The following ENPP1 variants were observed in gnomAD, a reference collection of about 807,000 sequenced individuals.
The protein encoded by ENPP1 is ectonucleotide pyrophosphatase/phosphodiesterase 1.
A neutral mutation model predicts 122.8 loss-of-function variants in ENPP1; 73 were observed. That is an observed-to-expected ratio of 0.59 (90% CI 0.49 to 0.72). ENPP1 has a LOEUF of 0.72. Ranked by LOEUF, ENPP1 falls within the 30% of genes least tolerant of loss-of-function variation. The pLI, the probability that ENPP1 is intolerant of heterozygous loss-of-function variation, is 0.00. For synonymous variants in ENPP1, 367 were observed against 391.6 expected, an observed-to-expected ratio of 0.94 and a Z score of 0.74; for missense variants, 978 against 1,128.1, an observed-to-expected ratio of 0.87 and a Z score of 1.91.
At chr6:131,870,561 G>T (rs975181477) in intron 13 of ENPP1, among the ~76,000 whole-genome samples, 6 of 152,080 alleles carry the variant, frequency 3.9e-5, no homozygotes, top group Non-Finnish European at 8.8e-5. Flanking sequence ...GACAATTACC[G>T]GAATTGGGTT....
chr6:131,874,736 A>C (rs867023622), intron 16 of ENPP1, among the ~76,000 whole-genome samples: 23 of 152,192 alleles, frequency 1.5e-4, no homozygotes, highest in Middle Eastern at 3.4e-3. Context: ...AGACACCTGC[A>C]CTCGTATGTT....
At chr6:131,821,145 A>G (rs184864459) in intron 1 of ENPP1, among the ~76,000 whole-genome samples, 1 of 152,328 alleles carries the variant, frequency 6.6e-6, no homozygotes, top group Admixed American at 6.5e-5. Flanking sequence ...TAAGAAATGC[A>G]GAATCTTGGG....
At chr6:131,886,981 C>CTTGA (rs914947091) in intron 24 of ENPP1, among the ~76,000 whole-genome samples, 1 of 120,522 alleles carries the variant, frequency 8.3e-6, no homozygotes, top group African/African-American at 3.1e-5. Context: ...CCAGGCTGGT[C>CTTGA]TTGAACTCCT....
intron 20 of ENPP1, among the ~76,000 whole-genome samples, chr6:131,880,708 G>T (rs1299647504): frequency 6.6e-6 from 1 of 152,126 alleles, no homozygotes; most frequent in Non-Finnish European, 1.5e-5. Context: ...ATACATGGCT[G>T]TGTGAGGACA....
intron 11 of ENPP1, 52 bp downstream of exon 11, chr6:131,864,990 A>T: frequency 8.6e-7 from 1 of 1,161,418 alleles, no homozygotes; most frequent in Non-Finnish European, 1.3e-6. Context: ...CATCAAACTG[A>T]ACCTCGCTTT....
chr6:131,824,321 A>G (rs1329204693), intron 1 of ENPP1, among the ~76,000 whole-genome samples: 2 of 152,062 alleles, frequency 1.3e-5, no homozygotes, highest in Non-Finnish European at 2.9e-5. Flanking sequence ...AGGCCCTGGG[A>G]GAGGAGACAA....
intron 1 of ENPP1, among the ~76,000 whole-genome samples, chr6:131,834,494 G>GA (rs541755035): frequency 9.1e-4 from 137 of 151,016 alleles, no homozygotes; most frequent in East Asian, 3.5e-3. Context: ...GTTCAACCAA[G>GA]AATCTTATGC....
At position 131,882,442 on chromosome 6, in the gene ENPP1, C is replaced by A; in HGVS notation, c.2198C>A (p.Thr733Asn). Reference sequence around the variant, plus strand: ...AAATGTTCATTTTATAAAAATAACACCAAAGTGAGTTACGGGTTCCTCTCC... The same window carrying A: ...AAATGTTCATTTTATAAAAATAACAACAAAGTGAGTTACGGGTTCCTCTCC... ...VHKCSFYKNN[T>N]KVSYGFLSPP... The change falls in exon 21 of 25, where the codon ACC becomes AAC. Residue 733 changes from threonine to asparagine, a missense_variant. This residue lies in a region of ENPP1 where 644 missense variants were observed against 781.5 expected (regional missense o/e 0.82). Coordinates refer to ENST00000647893, the MANE Select transcript of ENPP1 (RefSeq NM_006208.3). The A allele has an allele frequency of 6.2e-7, 1 of 1,609,536 alleles. No homozygotes were observed. The highest frequency in any genetic ancestry group is 1.1e-5 in the South Asian group (1 of 91,036).
At chr6:131,884,758 T>C (rs538385252) in intron 22 of ENPP1, among the ~76,000 whole-genome samples, 173 bp from the exon 23 acceptor site, 1 of 152,270 alleles carries the variant, frequency 6.6e-6, no homozygotes, top group Admixed American at 6.5e-5. Flanking sequence ...CTGGGTGATA[T>C]AGCACGACTC....
At position 131,815,910 on chromosome 6, in the gene ENPP1, A is replaced by G. The variant is rs1360284364; in HGVS notation, c.240+7635A>G. Among the ~76,000 whole-genome samples, 336 of 139,458 alleles carry G rather than the reference A, an allele frequency of 2.4e-3. 2 individuals carry two copies. The highest frequency in any genetic ancestry group is 3.4e-3 in the Non-Finnish European group (224 of 65,442). 91.5% of individuals were successfully genotyped at this position (139,458 alleles called of 152,430 possible). A position where few individuals can be genotyped will look rare whatever the true frequency, so the allele number is the denominator to read the frequency against. The stretch of plus-strand genomic sequence containing the variant: ...TTTTTTTTGTATTTTTAGTAGAGAC[A>G]GGGTTTTGCCATGTTGGCCAGGCTG... On this transcript the variant is annotated intron_variant, in intron 1 of 24. Transcript: ENST00000647893.
chr6:131,851,490 G>T (rs1295833201), intron 4 of ENPP1: 1 of 542,312 alleles, frequency 1.8e-6, no homozygotes, highest in Non-Finnish European at 3.3e-6. Flanking sequence ...TCATAATTAT[G>T]ATTATGTGCA....
At position 131,852,219 on chromosome 6, in the gene ENPP1, C is replaced by T. The variant is rs752171315; in HGVS notation, c.601C>T (p.Pro201Ser). The T allele has an allele frequency of 8.7e-6, 14 of 1,603,476 alleles. No homozygotes were observed. The East Asian group carries it at 3.1e-4, about 36-fold the overall frequency. ...VEEPCESINE[P>S]QCPAGFETPP... Reference sequence around the variant, plus strand: ...AGAACCATGTGAGAGCATTAATGAGCCACAGTGCCCAGCAGGGTAAGATTA... The same window carrying T: ...AGAACCATGTGAGAGCATTAATGAGTCACAGTGCCCAGCAGGGTAAGATTA... Residue 201 changes from proline (P) to serine (S), a missense_variant, in exon 5 of 25, where the codon CCA becomes TCA. By Grantham distance (74) the Pro-to-Ser change is moderately conservative. Around this residue, in one of 3 missense-constraint regions of ENPP1, gnomAD observed 330 missense variants for 328.5 expected, o/e 1.00. Transcript: ENST00000647893.
In ENPP1 at chr6:131,890,926, ATCTT is replaced by A. The variant is rs1233442285; in HGVS notation, c.*417_*420del. The A allele has an allele frequency of 6.1e-6, 1 of 164,054 alleles. No homozygotes were observed. The highest frequency in any genetic ancestry group is 2.4e-5 in the African/African-American group (1 of 41,590). The allele number at this position is 164,054 out of a possible 1,614,324, so 10.2% of individuals were successfully genotyped here. Reference sequence around the variant, plus strand: ...TTGGGGTAGCCCATGTTATGTGACTATCTTTATGAGAATTTTAAAGTGGTTCTGG... The same window carrying A: ...TTGGGGTAGCCCATGTTATGTGACTATATGAGAATTTTAAAGTGGTTCTGG... On this transcript the variant is annotated 3_prime_UTR_variant, in exon 25 of 25. Coordinates refer to ENST00000647893, the MANE Select transcript of ENPP1 (RefSeq NM_006208.3).
At chr6:131,862,811 G>A (rs1036453520) in intron 9 of ENPP1, among the ~76,000 whole-genome samples, 1 of 152,162 alleles carries the variant, frequency 6.6e-6, no homozygotes, top group African/African-American at 2.4e-5. Context: ...GCTGGAGGCC[G>A]CATGGCCCCT....
At chr6:131,817,155 A>C (rs1173146287) in intron 1 of ENPP1, among the ~76,000 whole-genome samples, 1 of 152,208 alleles carries the variant, frequency 6.6e-6, no homozygotes, top group African/African-American at 2.4e-5. Flanking sequence ...TACATAATAG[A>C]CTATGATGGT....
rs1468167742 is a variant in ENPP1 at position 131,847,856 on chromosome 6, G to T, written c.313+8G>T. On this transcript the variant is annotated splice_region_variant and intron_variant, in intron 2 of 24. Transcript: ENST00000647893. The stretch of plus-strand genomic sequence containing the variant: ...CAAGCTGTGCCAAAGAAGGTAATTA[G>T]GTGTGTGTGTGTGTGTGTGTGTGTG... The T allele has an allele frequency of 8.5e-7, 1 of 1,181,204 alleles. No individual in the cohort carries two copies. The highest frequency in any genetic ancestry group is 1.2e-6 in the Non-Finnish European group (1 of 831,438). 73.2% of individuals were successfully genotyped at this position (1,181,204 alleles called of 1,614,324 possible).
chr6:131,831,740 T>C (rs1241032942), intron 1 of ENPP1, among the ~76,000 whole-genome samples: 1 of 152,210 alleles, frequency 6.6e-6, no homozygotes, highest in Non-Finnish European at 1.5e-5. Context: ...CTATTAATGC[T>C]ATTAATAGGT....
At chr6:131,872,325 A>G (rs1181470908) in intron 14 of ENPP1, among the ~76,000 whole-genome samples, 3 of 152,200 alleles carry the variant, frequency 2.0e-5, no homozygotes, top group Admixed American at 6.5e-5. Context: ...TAAAATTTAT[A>G]TGAGAAGAAG....
chr6:131,819,939 CTTT>C (rs35498599), intron 1 of ENPP1: 230 of 439,894 alleles, frequency 5.2e-4, no homozygotes, highest in South Asian at 9.5e-4. Context: ...TCCATAGCTT[CTTT>C]TTTTTTTTTT....
Sources: allele counts gnomAD v4.1 joint callset (sites outside exome capture counted in the v4.1 genomes callset), GRCh38; gene constraint gnomAD v4.1.1; regional missense constraint gnomAD v4.1.1; transcripts MANE v1.5; gene names NCBI Gene and HGNC (gene_info 2026-07-23, HGNC 2026-07-21).